Variants in ZNF136 observed in about 807,000 individuals in gnomAD.
ZNF136 encodes the protein zinc finger protein 136 (clone pHZ-20).
Under a neutral mutation model 11.4 loss-of-function variants are expected in ZNF136, and 8 were observed. The ratio of observed to expected loss-of-function variants is 0.70; its 90% CI spans 0.41 to 1.27. The LOEUF is 1.27. Ranked by LOEUF, ZNF136 falls within the 50% of genes most tolerant of loss-of-function variation. ZNF136 has a pLI of 0.01. For synonymous variants in ZNF136, 190 were observed against 207.1 expected, an observed-to-expected ratio of 0.92 and a Z score of 0.71; for missense variants, 590 against 656.5, an observed-to-expected ratio of 0.90 and a Z score of 1.11.
At position 12,187,420 on chromosome 19, in the gene ZNF136, G is replaced by C; in HGVS notation, c.1042G>C (p.Ala348Pro). The change falls in exon 4 of 4, where the codon GCC (alanine) becomes CCC (proline). Residue 348 changes from alanine (A) to proline (P), a missense_variant. Ala to Pro is a conservative substitution (Grantham distance 27). Coordinates refer to ENST00000343979, the MANE Select transcript of ZNF136 (RefSeq NM_003437.5). ...ACAATGTGGTAAAGCCTTTAGATCT[G>C]CCAGTACCTTTCAAATACATGAAAG... ...CKQCGKAFRSASTFQIHERTH... is the reference protein window; with the variant it reads ...CKQCGKAFRSPSTFQIHERTH... 5.6e-6 allele frequency: 9 copies of C among 1,612,432 alleles called. No homozygotes were observed. Among genetic ancestry groups the C allele is most frequent in the Non-Finnish European group, 7.6e-6 (9 of 1,179,460 alleles).
chr19:12,179,353 AG>A (rs1380351612), intron 1 of ZNF136, among the ~76,000 whole-genome samples: 1 of 148,402 alleles, frequency 6.7e-6, no homozygotes, highest in Non-Finnish European at 1.5e-5. Flanking sequence ...TCTGTCGGCC[AG>A]GCTGGAGTGC....
chr19:12,173,647 G>A (rs1243416939), intron 1 of ZNF136, among the ~76,000 whole-genome samples: 2 of 152,096 alleles, frequency 1.3e-5, no homozygotes, highest in African/African-American at 2.4e-5. Flanking sequence ...ACTTGTAAAC[G>A]TGTTTTCCCG....
At chr19:12,170,077 A>T (rs922129360) in intron 1 of ZNF136, among the ~76,000 whole-genome samples, 3 of 137,722 alleles carry the variant, frequency 2.2e-5, no homozygotes, top group African/African-American at 5.3e-5. Context: ...TACAGGCGTG[A>T]GCCACCACGC....
intron 1 of ZNF136, among the ~76,000 whole-genome samples, chr19:12,178,325 G>A (rs975102470): frequency 6.6e-6 from 1 of 152,116 alleles, no homozygotes; most frequent in African/African-American, 2.4e-5. Flanking sequence ...CAATGGTGCT[G>A]TCAAAAACAG....
chr19:12,172,467 A>G (rs1486349822), intron 1 of ZNF136, among the ~76,000 whole-genome samples: 2 of 152,186 alleles, frequency 1.3e-5, no homozygotes, highest in East Asian at 3.9e-4. Flanking sequence ...ACTTGTTTAT[A>G]CTTGCTCTGT....
chr19:12,181,071 C>G (rs1413787204), intron 1 of ZNF136, among the ~76,000 whole-genome samples: 1 of 152,240 alleles, frequency 6.6e-6, no homozygotes, highest in African/African-American at 2.4e-5. Context: ...GGTGAATTTT[C>G]TTTTCTTGAG....
rs148635112 is a variant in ZNF136 at position 12,186,062 on chromosome 19, A to G, written c.131-52A>G. The stretch of plus-strand genomic sequence containing the variant: ...GGTATCATGAACCTAGAATCTAATA[A>G]TTTTTCTATAATTTTGCACTAATTC... On this transcript the variant is annotated intron_variant, in intron 2 of 3. Coordinates refer to ENST00000343979, the MANE Select transcript of ZNF136 (RefSeq NM_003437.5). 379 of 1,590,850 alleles carry G rather than the reference A, an allele frequency of 2.4e-4. 3 individuals carry two copies. The African/African-American group carries it at 4.8e-3, about 20-fold the overall frequency.
intron 1 of ZNF136, chr19:12,185,480 TAGGACTTCGTTATGAC>T (rs1166410463): frequency 4.4e-6 from 1 of 229,574 alleles, no homozygotes; most frequent in African/African-American, 2.3e-5. Context: ...TAGTAGGTGG[TAGGACTTCGTTATGAC>T]AGGTTCTACA....
chr19:12,181,652 G>A (rs1169839106), intron 1 of ZNF136, among the ~76,000 whole-genome samples: 1 of 150,984 alleles, frequency 6.6e-6, no homozygotes, highest in Non-Finnish European at 1.5e-5. Flanking sequence ...TTTTTTGGGG[G>A]GGGACAGAGC....
chr19:12,173,476 A>G (rs1370784552), intron 1 of ZNF136, among the ~76,000 whole-genome samples: 1 of 152,134 alleles, frequency 6.6e-6, no homozygotes. Flanking sequence ...GTCTTGTATT[A>G]TAATAGGAAG....
chr19:12,179,012 GAAAAA>G (rs577812140), intron 1 of ZNF136, among the ~76,000 whole-genome samples: 20 of 128,168 alleles, frequency 1.6e-4, no homozygotes, highest in Non-Finnish European at 3.1e-4. Flanking sequence ...AAGAAAGAAA[GAAAAA>G]AAAAAAAGAA....
chr19:12,185,906 CT>C lies in ZNF136; in HGVS notation c.126del (p.Ile43Ter). ...VMWETMRNLA[S>X]IGKKWKDQNI... ...TGGGAAACCATGAGGAATCTGGCCT[CT>C]ATAGGTAAGGATTGTATACTTCCAT... On this transcript the variant is annotated frameshift_variant, in exon 2 of 4. Coordinates refer to ENST00000343979, the MANE Select transcript of ZNF136 (RefSeq NM_003437.5). LOFTEE classifies it high-confidence loss of function. The C allele has an allele frequency of 6.2e-7, 1 of 1,613,430 alleles. No individual in the cohort carries two copies. The highest frequency in any genetic ancestry group is 8.5e-7 in the Non-Finnish European group (1 of 1,179,864).
chr19:12,181,629 C>T (rs905065671), intron 1 of ZNF136, among the ~76,000 whole-genome samples: 2 of 151,856 alleles, frequency 1.3e-5, no homozygotes, highest in Non-Finnish European at 2.9e-5. Context: ...CCTGCCACCA[C>T]GCCCAGCTAA....
chr19:12,172,615 T>A (rs1914686335), intron 1 of ZNF136, among the ~76,000 whole-genome samples: 1 of 152,178 alleles, frequency 6.6e-6, no homozygotes, highest in South Asian at 2.1e-4. Flanking sequence ...ATTATGATAG[T>A]AGTTAGGTTC....
intron 1 of ZNF136, among the ~76,000 whole-genome samples, chr19:12,170,512 C>T (rs1450518637): frequency 6.6e-6 from 1 of 151,996 alleles, no homozygotes; most frequent in Admixed American, 6.6e-5. Flanking sequence ...CTCACCCTCC[C>T]AAGTAGCTGG....
chr19:12,180,974 C>T (rs1460234941), intron 1 of ZNF136, among the ~76,000 whole-genome samples: 3 of 152,224 alleles, frequency 2.0e-5, no homozygotes, highest in Admixed American at 2.0e-4. Flanking sequence ...GTTAGGGGTG[C>T]CAGGATGGCA....
chr19:12,181,435 A>T (rs1914938503), intron 1 of ZNF136, among the ~76,000 whole-genome samples: 1 of 150,812 alleles, frequency 6.6e-6, no homozygotes, highest in South Asian at 2.1e-4. Context: ...AGTGTTATCA[A>T]CTATTTGGTT....
At chr19:12,179,951 C>T (rs914385253) in intron 1 of ZNF136, among the ~76,000 whole-genome samples, 3 of 151,954 alleles carry the variant, frequency 2.0e-5, no homozygotes, top group South Asian at 2.1e-4. Flanking sequence ...CTGCAAGCTC[C>T]ACCTCCCGGG....
chr19:12,188,075 A>G lies in ZNF136; in HGVS notation c.*74A>G. On this transcript the variant is annotated 3_prime_UTR_variant, in exon 4 of 4. Transcript: ENST00000343979. ...CCTATGAATGTAAGTAACGTGGGAA[A>G]GCATGAAATTCTGTCAGTGCCTTTT... 2 of 1,324,546 alleles carry G rather than the reference A, an allele frequency of 1.5e-6. No individual in the cohort carries two copies. Among genetic ancestry groups the G allele is most frequent in the Non-Finnish European group, 2.0e-6 (2 of 1,001,798 alleles). 82.0% of individuals were successfully genotyped at this position (1,324,546 alleles called of 1,614,324 possible). A position where few individuals can be genotyped will look rare whatever the true frequency, so the allele number is the denominator to read the frequency against.
Sources: allele counts gnomAD v4.1 joint callset (sites outside exome capture counted in the v4.1 genomes callset), GRCh38; gene constraint gnomAD v4.1.1; transcripts MANE v1.5; gene names NCBI Gene and HGNC (gene_info 2026-07-23, HGNC 2026-07-21).